Variants in MSH3 observed in about 807,000 individuals in gnomAD.
The protein encoded by MSH3 is DNA mismatch repair protein Msh3.
In MSH3, 106 loss-of-function variants were observed where a neutral mutation model predicts 123.3. The observed-to-expected ratio is 0.86, with a 90% CI of 0.73 to 1.01. MSH3 has a LOEUF of 1.01. Ranked by LOEUF, MSH3 falls within the 50% of genes least tolerant of loss-of-function variation. The probability of loss-of-function intolerance (pLI) is 0.00; values close to 1 mark genes in which losing one functional copy is unlikely to be tolerated. For missense variants in MSH3, 1,459 were observed against 1,347.6 expected, an observed-to-expected ratio of 1.08 and a Z score of -1.29; for synonymous variants, 515 against 481.4, an observed-to-expected ratio of 1.07 and a Z score of -0.91.
intron 22 of MSH3, among the ~76,000 whole-genome samples, chr5:80,870,495 A>G (rs1306985163): frequency 6.6e-6 from 1 of 152,160 alleles, no homozygotes; most frequent in Non-Finnish European, 1.5e-5. Context: ...ACAAAAAATT[A>G]TCCAGGTTTG....
intron 20 of MSH3, among the ~76,000 whole-genome samples, chr5:80,849,790 G>T: frequency 6.6e-6 from 1 of 152,128 alleles, no homozygotes; most frequent in East Asian, 1.9e-4. Flanking sequence ...CCTCTGACAT[G>T]CCTGGAGACA....
chr5:80,709,951 C>G (rs1287557677), intron 8 of MSH3, among the ~76,000 whole-genome samples: 1 of 152,190 alleles, frequency 6.6e-6, no homozygotes, highest in Non-Finnish European at 1.5e-5. Context: ...TTTGTGGCTA[C>G]TGAAAATATT....
At position 80,675,117 on chromosome 5, in the gene MSH3, A is replaced by G; in HGVS notation, c.1162A>G (p.Ile388Val). 1 of 1,613,826 alleles carries G rather than the reference A, an allele frequency of 6.2e-7. No individual in the cohort carries two copies. Among genetic ancestry groups the G allele is most frequent in the Non-Finnish European group, 8.5e-7 (1 of 1,179,868 alleles). ...GGACAAAAAAAAGGGCAACATTTTTATTGGCATTGTGGTAAGTACTTTGCA... is the reference window on the plus strand; with the variant it reads ...GGACAAAAAAAAGGGCAACATTTTTGTTGGCATTGTGGTAAGTACTTTGCA... The part of the protein sequence containing the change: ...VRDKKKGNIF[I>V]GIVGVQPATG... The change falls in exon 7 of 24, where the codon ATT (isoleucine) becomes GTT (valine). Residue 388 changes from isoleucine (I) to valine (V), a missense_variant. Transcript: ENST00000265081.
In MSH3 at chr5:80,654,686, C is replaced by G; in HGVS notation, c.-42C>G. 1 of 1,555,704 alleles carries G rather than the reference C, an allele frequency of 6.4e-7. No individual in the cohort carries two copies. The stretch of plus-strand genomic sequence containing the variant: ...GGAACTGCGGCCGCGGGCTCGCGCT[C>G]CTCGCCAGGCCCTGCCGCCGGGCTG... On this transcript the variant is annotated 5_prime_UTR_variant, in exon 1 of 24. Coordinates refer to ENST00000265081, the MANE Select transcript of MSH3 (RefSeq NM_002439.5).
chr5:80,685,381 G>T, intron 8 of MSH3, among the ~76,000 whole-genome samples: 1 of 151,506 alleles, frequency 6.6e-6, no homozygotes, highest in East Asian at 1.9e-4. Context: ...GGATTTCTTC[G>T]TGGTTCAATC....
intron 20 of MSH3, among the ~76,000 whole-genome samples, chr5:80,832,749 A>C (rs1253021375): frequency 6.6e-6 from 1 of 151,928 alleles, no homozygotes. Flanking sequence ...TATATATCAT[A>C]ATTTTTAAAA....
intron 7 of MSH3, among the ~76,000 whole-genome samples, chr5:80,677,598 T>A (rs745753633): frequency 1.3e-5 from 2 of 152,188 alleles, no homozygotes; most frequent in Non-Finnish European, 2.9e-5. Flanking sequence ...TTAGAGGAGC[T>A]ATAACACTGC....
chr5:80,658,138 C>T (rs1399325560), intron 2 of MSH3, among the ~76,000 whole-genome samples: 1 of 146,956 alleles, frequency 6.8e-6, no homozygotes, highest in Non-Finnish European at 1.5e-5. Context: ...AATCTCTGCT[C>T]ACTGTAACCT....
chr5:80,730,418 A>G (rs181960718), intron 10 of MSH3, among the ~76,000 whole-genome samples: 1 of 152,278 alleles, frequency 6.6e-6, no homozygotes, highest in African/African-American at 2.4e-5. Flanking sequence ...TCCAGGGGGA[A>G]GAAGGGAAAG....
rs776035988 is a variant in MSH3 at position 80,873,183 on chromosome 5, G to A, written c.3198G>A (p.Arg1066=). The change falls in exon 23 of 24, where the codon AGG becomes AGA. Residue 1066 remains arginine, a synonymous_variant. Transcript: ENST00000265081. ...AAATAACTAGAGGAATTGCAGCAAG[G>A]AGTTATGGATTAAATGTGGCTAAAC... ...LYQITRGIAA[R]SYGLNVAKLA... The A allele has an allele frequency of 6.2e-6, 10 of 1,613,746 alleles. No individual in the cohort carries two copies. The highest frequency in any genetic ancestry group is 2.2e-5 in the East Asian group (1 of 44,844).
chr5:80,775,617 A>T (rs1580041876), intron 15 of MSH3, 77 bp from the exon 16 acceptor site: 1 of 828,550 alleles, frequency 1.2e-6, no homozygotes, highest in Non-Finnish European at 2.0e-6. Context: ...ATAAATTGTT[A>T]TACCACAATT....
rs141781592 is a variant in MSH3 at position 80,709,793 on chromosome 5, A to G, written c.1341-15660A>G. On this transcript the variant is annotated intron_variant, in intron 8 of 23. Coordinates refer to ENST00000265081, the MANE Select transcript of MSH3 (RefSeq NM_002439.5). The stretch of plus-strand genomic sequence containing the variant: ...TTTCTTCTTGTATTTTGTGAAATGA[A>G]ATGCTTTTAAAGGCATTTCAGGCAT... Among the ~76,000 whole-genome samples the G allele has an allele frequency of 2.4e-3, 370 of 152,254 alleles. 2 individuals carry two copies. Among genetic ancestry groups the G allele is most frequent in the Middle Eastern group, 0.024 (7 of 294 alleles).
At chr5:80,801,425 G>A (rs990740936) in intron 19 of MSH3, among the ~76,000 whole-genome samples, 1 of 152,224 alleles carries the variant, frequency 6.6e-6, no homozygotes, top group African/African-American at 2.4e-5. Flanking sequence ...AACTTATCTC[G>A]TGCTGGCAGT....
chr5:80,799,500 CTTTTTTTTTTTTTT>C (rs746348952), intron 19 of MSH3, among the ~76,000 whole-genome samples: 121 of 32,342 alleles, frequency 3.7e-3, no homozygotes, highest in South Asian at 0.016. Context: ...GAAGATAGCA[CTTTTTTTTTTTTTT>C]TTTTTTTTTT....
intron 7 of MSH3, among the ~76,000 whole-genome samples, chr5:80,676,612 T>C (rs976340862): frequency 1.3e-5 from 2 of 152,220 alleles, no homozygotes; most frequent in Admixed American, 6.5e-5. Context: ...TGCATAACTC[T>C]GTGTTAACTT....
At chr5:80,864,721 AT>A in intron 21 of MSH3, 91 bp from the exon 22 acceptor site, 1 of 1,148,486 alleles carries the variant, frequency 8.7e-7, no homozygotes, top group Non-Finnish European at 1.3e-6. Flanking sequence ...TTTTAGGAAG[AT>A]TTAAAATTTT....
chr5:80,855,837 C>A, intron 21 of MSH3: 1 of 148,664 alleles, frequency 6.7e-6, no homozygotes, highest in Non-Finnish European at 1.5e-5. Context: ...TGTTGTTGTT[C>A]CTCCTCCTCC....
chr5:80,778,317 A>C (rs766186267), intron 16 of MSH3, among the ~76,000 whole-genome samples: 4 of 152,198 alleles, frequency 2.6e-5, no homozygotes, highest in African/African-American at 4.8e-5. Context: ...AATCATACAG[A>C]AAAGCCCATA....
intron 10 of MSH3, among the ~76,000 whole-genome samples, chr5:80,738,376 G>A (rs577029753): frequency 4.4e-4 from 67 of 152,210 alleles, no homozygotes; most frequent in African/African-American, 1.5e-3. Context: ...TTGGTATTCC[G>A]ACAGTACCTT....
Sources: allele counts gnomAD v4.1 joint callset (sites outside exome capture counted in the v4.1 genomes callset), GRCh38; gene constraint gnomAD v4.1.1; transcripts MANE v1.5; gene names NCBI Gene and HGNC (gene_info 2026-07-23, HGNC 2026-07-21).